CNTNAP2: variants seen among roughly 807,000 people sequenced by gnomAD.
CNTNAP2 encodes contactin associated protein 2.
Under a neutral mutation model 155.2 loss-of-function variants are expected in CNTNAP2, and 98 were observed. That is an observed-to-expected ratio of 0.63 (90% confidence interval 0.54 to 0.75). The LOEUF (loss-of-function observed/expected upper bound fraction) is 0.75, where lower values mean the gene tolerates loss of function less well. CNTNAP2 is among the 30% of genes least tolerant of loss of function. CNTNAP2 has a pLI of 0.00. For missense variants in CNTNAP2, 1,727 were observed against 1,688.1 expected, an observed-to-expected ratio of 1.02 and a Z score of -0.40; for synonymous variants, 651 against 631.2, an observed-to-expected ratio of 1.03 and a Z score of -0.47.
At chr7:148,183,475 C>CTTTTTTTTTTTTT (rs71527885) in intron 18 of CNTNAP2, among the ~76,000 whole-genome samples, 2 of 82,258 alleles carry the variant, frequency 2.4e-5, no homozygotes, top group Non-Finnish European at 4.4e-5. Context: ...TACTTATTTG[C>CTTTTTTTTTTTTT]TTTTTTTTTT....
At chr7:148,290,184 A>G (rs561822220) in intron 21 of CNTNAP2, among the ~76,000 whole-genome samples, 9 of 152,240 alleles carry the variant, frequency 5.9e-5, no homozygotes, top group Non-Finnish European at 1.2e-4. Flanking sequence ...ATTTAAGGTG[A>G]TAAAATATTA....
At chr7:147,633,893 G>A (rs979688561) in intron 12 of CNTNAP2, among the ~76,000 whole-genome samples, 1 of 152,106 alleles carries the variant, frequency 6.6e-6, no homozygotes, top group Non-Finnish European at 1.5e-5. Context: ...ATAGCAACAT[G>A]AGCATGGACT....
chr7:147,446,531 A>G (rs1354813647), intron 10 of CNTNAP2, among the ~76,000 whole-genome samples: 1 of 152,144 alleles, frequency 6.6e-6, no homozygotes. Context: ...TGAAGACCTG[A>G]GACCCATATC....
intron 21 of CNTNAP2, among the ~76,000 whole-genome samples, chr7:148,302,706 T>C (rs1231796251): frequency 6.6e-6 from 1 of 152,018 alleles, no homozygotes; most frequent in African/African-American, 2.4e-5. Context: ...CTCGCCTGCC[T>C]ACTTCCCCTT....
chr7:146,261,120 C>T (rs1382740890), intron 1 of CNTNAP2, among the ~76,000 whole-genome samples: 1 of 152,100 alleles, frequency 6.6e-6, no homozygotes, highest in African/African-American at 2.4e-5. Context: ...TGCCTTGCTT[C>T]CCCTTTGCCT....
intron 9 of CNTNAP2, among the ~76,000 whole-genome samples, chr7:147,361,497 A>G (rs561666686): frequency 6.6e-6 from 1 of 152,310 alleles, no homozygotes; most frequent in African/African-American, 2.4e-5. Flanking sequence ...GTGTTAGACA[A>G]GAGTTATGCC....
chr7:147,934,900 T>C (rs769905963), intron 14 of CNTNAP2, among the ~76,000 whole-genome samples: 1 of 152,206 alleles, frequency 6.6e-6, no homozygotes, highest in Middle Eastern at 3.2e-3. Flanking sequence ...ACTTATCCAG[T>C]CTATTACAGT....
chr7:147,797,309 C>A (rs569896450), intron 13 of CNTNAP2, among the ~76,000 whole-genome samples: 1 of 152,146 alleles, frequency 6.6e-6, no homozygotes, highest in African/African-American at 2.4e-5. Flanking sequence ...AAATTCTCAA[C>A]TTAACTTTGT....
chr7:147,635,427 G>A (rs949894018), intron 12 of CNTNAP2, among the ~76,000 whole-genome samples: 2 of 151,962 alleles, frequency 1.3e-5, no homozygotes, highest in Admixed American at 6.6e-5. Flanking sequence ...CCCTGCCCAA[G>A]CTCCAAAAAT....
At chr7:147,488,680 C>T (rs1798553222) in intron 11 of CNTNAP2, among the ~76,000 whole-genome samples, 1 of 152,168 alleles carries the variant, frequency 6.6e-6, no homozygotes, top group Non-Finnish European at 1.5e-5. Flanking sequence ...CAGGATGAGA[C>T]AGCAGTGCTA....
At chr7:146,276,043 G>A (rs1800158050) in intron 1 of CNTNAP2, among the ~76,000 whole-genome samples, 1 of 152,194 alleles carries the variant, frequency 6.6e-6, no homozygotes, top group Non-Finnish European at 1.5e-5. Context: ...CAAAATGTCA[G>A]TGGCACCAGA....
intron 13 of CNTNAP2, among the ~76,000 whole-genome samples, chr7:147,772,168 G>A (rs1032660908): frequency 6.6e-6 from 1 of 151,792 alleles, no homozygotes; most frequent in Non-Finnish European, 1.5e-5. Flanking sequence ...GCTCACACCT[G>A]TAATCCCAGC....
At chr7:146,163,845 C>T (rs1798271036) in intron 1 of CNTNAP2, among the ~76,000 whole-genome samples, 1 of 152,014 alleles carries the variant, frequency 6.6e-6, no homozygotes, top group African/African-American at 2.4e-5. Context: ...TTTAGGAATG[C>T]CTTTCTTTTG....
At chr7:148,166,583 A>G (rs1230171712) in intron 17 of CNTNAP2, among the ~76,000 whole-genome samples, 2 of 151,958 alleles carry the variant, frequency 1.3e-5, no homozygotes, top group African/African-American at 2.4e-5. Flanking sequence ...TGCATTTTAC[A>G]GTTGTATTAT....
At chr7:147,211,487 A>G (rs1409454507) in intron 8 of CNTNAP2, among the ~76,000 whole-genome samples, 1 of 152,150 alleles carries the variant, frequency 6.6e-6, no homozygotes, top group African/African-American at 2.4e-5. Flanking sequence ...ATAGAAGAGA[A>G]CAGATAACCC....
At chr7:146,282,043 GA>G (rs1288901267) in intron 1 of CNTNAP2, among the ~76,000 whole-genome samples, 3 of 152,026 alleles carry the variant, frequency 2.0e-5, no homozygotes, top group Non-Finnish European at 4.4e-5. Flanking sequence ...AAAAGTAAAG[GA>G]AGAGGAGAAA....
intron 1 of CNTNAP2, among the ~76,000 whole-genome samples, chr7:146,388,675 T>C (rs568082911): frequency 1.4e-4 from 21 of 152,286 alleles, no homozygotes; most frequent in Non-Finnish European, 2.9e-4. Flanking sequence ...AGTCACCCTA[T>C]TGTGCTATCA....
At chr7:146,405,494 A>G (rs897820642) in intron 1 of CNTNAP2, among the ~76,000 whole-genome samples, 8 of 152,212 alleles carry the variant, frequency 5.3e-5, no homozygotes, top group African/African-American at 1.9e-4. Context: ...TGATCTGAAA[A>G]TAAATTTTTC....
chr7:147,564,505 A>G (rs1031992420), intron 12 of CNTNAP2, among the ~76,000 whole-genome samples: 16 of 152,170 alleles, frequency 1.1e-4, no homozygotes, highest in African/African-American at 3.9e-4. Context: ...ATATAATACA[A>G]TTAAAGTCTA....
Sources: allele counts gnomAD v4.1 joint callset (sites outside exome capture counted in the v4.1 genomes callset), GRCh38; gene constraint gnomAD v4.1.1; transcripts MANE v1.5; gene names NCBI Gene and HGNC (gene_info 2026-07-23, HGNC 2026-07-21).